The following IFIH1 variants were observed in gnomAD, a reference collection of about 807,000 sequenced individuals.
The protein encoded by IFIH1 is interferon induced with helicase C domain 1, also known as interferon-induced helicase C domain-containing protein 1.
Under a neutral mutation model 107.4 loss-of-function variants are expected in IFIH1, and 125 were observed. The observed-to-expected ratio is 1.16, with a 90% confidence interval of 1.01 to 1.35. The LOEUF (loss-of-function observed/expected upper bound fraction) is 1.35, where lower values mean the gene tolerates loss of function less well. Among genes scored for constraint, IFIH1 ranks in the 40% most tolerant of loss-of-function variants. The probability of loss-of-function intolerance (pLI) is 0.00; values close to 1 mark genes in which losing one functional copy is unlikely to be tolerated. For synonymous variants in IFIH1, 458 were observed against 413.2 expected, an observed-to-expected ratio of 1.11 and a Z score of -1.31; for missense variants, 1,333 against 1,213.7, an observed-to-expected ratio of 1.10 and a Z score of -1.46.
Position 162,317,869 on chromosome 2 carries a change from C to T in IFIH1, c.439G>A (p.Glu147Lys). ...KCMEEELLTIEDRNRIAAAEN... is the reference protein window; with the variant it reads ...KCMEEELLTIKDRNRIAAAEN... Reference sequence around the variant, plus strand: ...CAGACACCTACCCGGTTTCTGTCTTCAATTGTCAACAGTTCCTCCTCCATG... The same window carrying T: ...CAGACACCTACCCGGTTTCTGTCTTTAATTGTCAACAGTTCCTCCTCCATG... Residue 147 changes from glutamate to lysine, a missense_variant, in exon 1 of 16, where the codon GAA becomes AAA. Transcript: ENST00000649979. The T allele has an allele frequency of 6.3e-7, 1 of 1,581,858 alleles. No homozygotes were observed. The highest frequency in any genetic ancestry group is 8.6e-7 in the Non-Finnish European group (1 of 1,164,786).
Position 162,303,090 on chromosome 2 carries a change from G to A in IFIH1, c.769+3619C>T, listed in dbSNP as rs552291289. On this transcript the variant is annotated intron_variant, in intron 3 of 15. Coordinates refer to ENST00000649979, the MANE Select transcript of IFIH1 (RefSeq NM_022168.4). ...CTGCTGGGCCGACACCTCCCTCAGT[G>A]GAAAGCTCCATGGGGGCTGAAGTCA... Among the ~76,000 whole-genome samples, 3 of 152,252 alleles carry A rather than the reference G, an allele frequency of 2.0e-5. No individual in the cohort carries two copies. In the South Asian group the frequency reaches 6.2e-4, roughly 32 times the overall value.
At chr2:162,294,162 A>T (rs766949995) in intron 3 of IFIH1, among the ~76,000 whole-genome samples, 1 of 151,978 alleles carries the variant, frequency 6.6e-6, no homozygotes. Context: ...AAAATCTCAA[A>T]GAGAATTTGT....
Position 162,268,336 on chromosome 2 carries a change from A to T in IFIH1, c.2617-59T>A, listed in dbSNP as rs897910308. Reference sequence around the variant, plus strand: ...GTTTGTTTTCTTTTTTCAGTTTCATAGAAGTAAGTCTCCTGAAATTTGGAG... The same window carrying T: ...GTTTGTTTTCTTTTTTCAGTTTCATTGAAGTAAGTCTCCTGAAATTTGGAG... On this transcript the variant is annotated intron_variant, in intron 13 of 15. Transcript: ENST00000649979. 8 of 1,155,968 alleles carry T rather than the reference A, an allele frequency of 6.9e-6. No homozygotes were observed. In the East Asian group the frequency reaches 1.7e-4, roughly 24 times the overall value. The allele number at this position is 1,155,968 out of a possible 1,614,324, so 71.6% of individuals were successfully genotyped here. A position where few individuals can be genotyped will look rare whatever the true frequency, so the allele number is the denominator to read the frequency against.
At chr2:162,280,341 A>G (rs1352777335) in intron 7 of IFIH1, among the ~76,000 whole-genome samples, 2 of 152,110 alleles carry the variant, frequency 1.3e-5, no homozygotes, top group Admixed American at 1.3e-4. Context: ...GTCCTAATAT[A>G]GGAAAAAGGA....
chr2:162,276,113 G>A (rs914834947), intron 11 of IFIH1, among the ~76,000 whole-genome samples: 5 of 152,160 alleles, frequency 3.3e-5, no homozygotes, highest in African/African-American at 1.2e-4. Flanking sequence ...AACTTAGAAA[G>A]TTCTTCCAAT....
At chr2:162,278,119 AT>A in intron 9 of IFIH1, 85 bp downstream of exon 9, 1 of 1,205,218 alleles carries the variant, frequency 8.3e-7, no homozygotes, top group Non-Finnish European at 1.2e-6. Context: ...TTTGCTTTCC[AT>A]TTTTTGGGGA....
At chr2:162,279,639 T>G (rs1054771270) in intron 8 of IFIH1, among the ~76,000 whole-genome samples, 5 of 152,132 alleles carry the variant, frequency 3.3e-5, no homozygotes, top group Admixed American at 2.0e-4. Context: ...CTGTGGAATG[T>G]CAGAAAATCA....
chr2:162,297,465 T>C (rs1473309483), intron 3 of IFIH1, among the ~76,000 whole-genome samples: 1 of 152,168 alleles, frequency 6.6e-6, no homozygotes, highest in Non-Finnish European at 1.5e-5. Flanking sequence ...ACAAGCAAAT[T>C]AACCTTCTGT....
chr2:162,306,770 CTCCTTCTCCAGA>C lies in IFIH1; in HGVS notation c.696_707del (p.Asn232_Glu236delinsLys). 6.2e-7 allele frequency: 1 copy of C among 1,613,932 alleles called. No individual in the cohort carries two copies. The highest frequency in any genetic ancestry group is 8.5e-7 in the Non-Finnish European group (1 of 1,179,878). ...ATGAGTTATTCTCCATGCCCCAGAC[CTCCTTCTCCAGA>C]TTTGGCTGAACTGTGGTTGAAAGAA... On this transcript the variant is annotated inframe_deletion, in exon 3 of 16. Coordinates refer to ENST00000649979, the MANE Select transcript of IFIH1 (RefSeq NM_022168.4).
At position 162,318,084 on chromosome 2, in the gene IFIH1, C is replaced by T. The variant is rs1683544353; in HGVS notation, c.224G>A (p.Trp75Ter). Residue 75 changes from tryptophan to a stop codon, truncating the protein, a stop_gained, in exon 1 of 16, where the codon TGG becomes TAG. Coordinates refer to ENST00000649979, the MANE Select transcript of IFIH1 (RefSeq NM_022168.4). LOFTEE classifies it high-confidence loss of function. ...GAGGGCCTCCACGAATTCCCGAGTC[C>T]AACCAAGGTGCCAGACTCCCTTCTC... The part of the protein sequence containing the change: ...TLEKGVWHLG[W>*]TREFVEALRR... 6.2e-7 allele frequency: 1 copy of T among 1,614,190 alleles called. No individual in the cohort carries two copies. Among genetic ancestry groups the T allele is most frequent in the South Asian group, 1.1e-5 (1 of 91,082 alleles).
Position 162,306,798 on chromosome 2 carries a change from G to A in IFIH1, c.680C>T (p.Thr227Ile), listed in dbSNP as rs772677737. Reference sequence around the variant, plus strand: ...CTTCTCCAGATTTGGCTGAACTGTGGTTGAAAGAAGTTGCTCTTCCACTTG... The same window carrying A: ...CTTCTCCAGATTTGGCTGAACTGTGATTGAAAGAAGTTGCTCTTCCACTTG... ...GPQVEEQLLS[T>I]TVQPNLEKEV... The change falls in exon 3 of 16, where the codon ACC becomes ATC. Residue 227 changes from threonine (T) to isoleucine (I), a missense_variant. Coordinates refer to ENST00000649979, the MANE Select transcript of IFIH1 (RefSeq NM_022168.4). The A allele has an allele frequency of 6.2e-7, 1 of 1,613,842 alleles. No homozygotes were observed. The highest frequency in any genetic ancestry group is 2.2e-5 in the East Asian group (1 of 44,840).
At chr2:162,306,316 C>A (rs773774871) in intron 3 of IFIH1, among the ~76,000 whole-genome samples, 15 of 152,082 alleles carry the variant, frequency 9.9e-5, no homozygotes, top group Non-Finnish European at 1.8e-4. Context: ...CCTCTCTGAG[C>A]CATCCCAGTT....
chr2:162,276,339 G>A (rs1041238657), intron 11 of IFIH1, among the ~76,000 whole-genome samples: 3 of 152,156 alleles, frequency 2.0e-5, no homozygotes, highest in Admixed American at 1.3e-4. Context: ...GCAGTGGCTC[G>A]TGCCTATAAT....
intron 3 of IFIH1, among the ~76,000 whole-genome samples, chr2:162,293,899 A>G (rs1007827141): frequency 1.3e-5 from 2 of 151,922 alleles, no homozygotes; most frequent in Non-Finnish European, 2.9e-5. Context: ...TACTTAAAGT[A>G]CTACACATCC....
intron 5 of IFIH1, among the ~76,000 whole-genome samples, chr2:162,287,523 G>GA (rs1440855244): frequency 2.6e-5 from 4 of 151,626 alleles, no homozygotes; most frequent in African/African-American, 4.8e-5. Context: ...ATTATTGAAG[G>GA]AAAACTTCAG....
rs746847064 is a variant in IFIH1 at position 162,317,871 on chromosome 2, A to G, written c.437T>C (p.Ile146Thr). 5.7e-6 allele frequency: 9 copies of G among 1,585,502 alleles called. No homozygotes were observed. In the South Asian group the frequency reaches 8.1e-5, roughly 14 times the overall value. Residue 146 changes from isoleucine to threonine, a missense_variant, in exon 1 of 16, where the codon ATT (isoleucine) becomes ACT (threonine). Physicochemically the swap from Ile to Thr is moderately conservative, Grantham distance 89 (BLOSUM62 -1). Transcript: ENST00000649979. ...DKCMEEELLT[I>T]EDRNRIAAAE... Reference sequence around the variant, plus strand: ...GACACCTACCCGGTTTCTGTCTTCAATTGTCAACAGTTCCTCCTCCATGCA... The same window carrying G: ...GACACCTACCCGGTTTCTGTCTTCAGTTGTCAACAGTTCCTCCTCCATGCA...
intron 3 of IFIH1, among the ~76,000 whole-genome samples, chr2:162,303,669 A>T (rs7578585): frequency 0.099 from 15,050 of 152,062 alleles, 2,525 homozygotes; most frequent in African/African-American, 0.34. Flanking sequence ...AGGAAAAAAA[A>T]AAATAAAAAG....
At chr2:162,316,797 C>A (rs576293851) in intron 1 of IFIH1, among the ~76,000 whole-genome samples, 30 of 152,292 alleles carry the variant, frequency 2.0e-4, no homozygotes, top group Middle Eastern at 3.4e-3. Flanking sequence ...AACAGGTCAG[C>A]ATTTATACAC....
chr2:162,313,025 T>A (rs1360369472), intron 1 of IFIH1, among the ~76,000 whole-genome samples: 6 of 152,206 alleles, frequency 3.9e-5, no homozygotes. Context: ...TCAAGCTTTC[T>A]TTGCCGTTAT....
Sources: allele counts gnomAD v4.1 joint callset (sites outside exome capture counted in the v4.1 genomes callset), GRCh38; gene constraint gnomAD v4.1.1; transcripts MANE v1.5; gene names NCBI Gene and HGNC (gene_info 2026-07-23, HGNC 2026-07-21).